Variants in RBFOX3 observed in about 807,000 individuals in gnomAD.
The protein encoded by RBFOX3 is RNA binding fox-1 homolog 3.
Under a neutral mutation model 48.7 loss-of-function variants are expected in RBFOX3, and 17 were observed. The ratio of observed to expected loss-of-function variants is 0.35; its 90% CI spans 0.24 to 0.52. The LOEUF is 0.52. RBFOX3 is among the 20% of genes least tolerant of loss of function. The pLI is 0.94. For synonymous variants in RBFOX3, 212 were observed against 209.5 expected (o/e 1.01, Z -0.10); for missense variants, 382 against 497.5 (o/e 0.77, Z 2.21).
intron 4 of RBFOX3, among the ~76,000 whole-genome samples, chr17:79,149,822 T>C (rs1452011680): frequency 6.6e-6 from 1 of 150,894 alleles, no homozygotes; most frequent in Non-Finnish European, 1.5e-5. Context: ...ACTGAGCATC[T>C]CTGAGTGCCA....
At chr17:79,579,514 G>A (rs1003430760) in intron 1 of RBFOX3, among the ~76,000 whole-genome samples, 3 of 152,180 alleles carry the variant, frequency 2.0e-5, no homozygotes, top group Non-Finnish European at 2.9e-5. Flanking sequence ...CAGAGGGGTC[G>A]GCAATGCTGA....
intron 1 of RBFOX3, among the ~76,000 whole-genome samples, chr17:79,606,404 G>A (rs904764030): frequency 1.3e-5 from 2 of 152,156 alleles, no homozygotes; most frequent in Non-Finnish European, 2.9e-5. Context: ...GGCCAAGAGG[G>A]GGACTCCCGT....
chr17:79,256,815 G>A (rs562855411), intron 3 of RBFOX3, among the ~76,000 whole-genome samples: 18 of 152,184 alleles, frequency 1.2e-4, no homozygotes, highest in East Asian at 1.9e-4. Context: ...ATCTACTCGT[G>A]GGGGGCTGAG....
chr17:79,221,255 G>A (rs1180302477), intron 4 of RBFOX3, among the ~76,000 whole-genome samples: 1 of 152,384 alleles, frequency 6.6e-6, no homozygotes, highest in South Asian at 2.1e-4. Flanking sequence ...TCCACCATCG[G>A]CCTGAAGGCC....
intron 2 of RBFOX3, among the ~76,000 whole-genome samples, chr17:79,342,386 G>T (rs2082243107): frequency 6.6e-6 from 1 of 152,148 alleles, no homozygotes; most frequent in Admixed American, 6.5e-5. Flanking sequence ...GTGGATGTTG[G>T]TCAGAGTCGA....
At chr17:79,545,528 G>A (rs188724299) in intron 1 of RBFOX3, among the ~76,000 whole-genome samples, 1 of 152,202 alleles carries the variant, frequency 6.6e-6, no homozygotes, top group Middle Eastern at 3.2e-3. Flanking sequence ...CAGAGGGAGC[G>A]GAGGTCTCCC....
At chr17:79,410,864 A>G (rs1181383931) in intron 2 of RBFOX3, among the ~76,000 whole-genome samples, 1 of 152,146 alleles carries the variant, frequency 6.6e-6, no homozygotes, top group Admixed American at 6.5e-5. Flanking sequence ...AGGCCCCGCC[A>G]TACCAGCTGC....
At chr17:79,417,230 C>G (rs1598603321) in intron 2 of RBFOX3, among the ~76,000 whole-genome samples, 1 of 152,178 alleles carries the variant, frequency 6.6e-6, no homozygotes, top group African/African-American at 2.4e-5. Context: ...TCCTTGCTCC[C>G]CGTAAGAGTC....
At position 79,213,049 on chromosome 17, in the gene RBFOX3, G is replaced by T. The variant is rs1006469503; in HGVS notation, c.-34+22717C>A. 3.1e-4 allele frequency among the ~76,000 whole-genome samples: 47 copies of T among 152,230 alleles called. 1 individual carries two copies. Among genetic ancestry groups the T allele is most frequent in the Non-Finnish European group, 5.9e-4 (40 of 68,010 alleles). ...TTTTTGTATTTTTAGTGGAGACAGG[G>T]TTTCACTATGTTGGCCAGGCTGGTC... On this transcript the variant is annotated intron_variant, in intron 4 of 14. Transcript: ENST00000693108.
At position 79,198,017 on chromosome 17, in the gene RBFOX3, G is replaced by A. The variant is rs577778022; in HGVS notation, c.-34+37749C>T. Among the ~76,000 whole-genome samples, 21 of 152,256 alleles carry A rather than the reference G, an allele frequency of 1.4e-4. No homozygotes were observed. The highest frequency in any genetic ancestry group is 2.2e-4 in the Non-Finnish European group (15 of 68,028). The stretch of plus-strand genomic sequence containing the variant: ...GTGCTTCTGATTTCCTAAGCATGCC[G>A]AGTGAATCCATCCCGAGTGCCTCTG... On this transcript the variant is annotated intron_variant, in intron 4 of 14. Transcript: ENST00000693108. This position sits in a 1 kb window ranked among gnomAD's most constrained non-coding sequence, Gnocchi z 8.2.
At chr17:79,659,810 A>G in the RBFOX3 span, among the ~76,000 whole-genome samples, 4 of 152,104 alleles carry the variant, frequency 2.6e-5, no homozygotes, top group Admixed American at 2.0e-4. Context: ...GAATACACAG[A>G]TCCCTGGAGG....
At chr17:79,620,594 C>T in the RBFOX3 span, among the ~76,000 whole-genome samples, 15 of 144,484 alleles carry the variant, frequency 1.0e-4, no homozygotes, top group East Asian at 2.2e-4. Flanking sequence ...CGCACACACA[C>T]GCACGCACGC....
intron 2 of RBFOX3, among the ~76,000 whole-genome samples, chr17:79,398,450 A>T (rs2062331361): frequency 6.6e-6 from 1 of 152,058 alleles, no homozygotes; most frequent in African/African-American, 2.4e-5. Context: ...GTCAGCGTTT[A>T]ACATACGTAC....
chr17:79,248,997 C>A (rs1415894631), intron 3 of RBFOX3, among the ~76,000 whole-genome samples: 1 of 152,216 alleles, frequency 6.6e-6, no homozygotes, highest in Non-Finnish European at 1.5e-5. Flanking sequence ...TGAGCTGGGA[C>A]CTGCCTCCAT....
At chr17:79,097,910 G>T in intron 9 of RBFOX3, 165 bp from the exon 10 acceptor site, 3 of 672,998 alleles carry the variant, frequency 4.5e-6, no homozygotes, top group African/African-American at 1.8e-5. Context: ...CAAGTGCTGA[G>T]TTCAAAACAC....
intron 2 of RBFOX3, among the ~76,000 whole-genome samples, chr17:79,472,781 A>G (rs2149389532): frequency 6.6e-6 from 1 of 152,324 alleles, no homozygotes; most frequent in Non-Finnish European, 1.5e-5. Context: ...TCAGTGGCAG[A>G]GCTTATTCAA....
Position 79,423,073 on chromosome 17 carries a change from A to G in RBFOX3, c.-175+59381T>C, listed in dbSNP as rs570215389. On this transcript the variant is annotated intron_variant, in intron 2 of 14. Transcript: ENST00000693108. This position sits in a 1 kb window ranked among gnomAD's most constrained non-coding sequence, Gnocchi z 4.9. ...ACTTCGGGTGCCCCGTGTGCCACGA[A>G]CTCCCCTCTTTCTGCCTCCAGCCCC... Among the ~76,000 whole-genome samples the G allele has an allele frequency of 1.3e-5, 2 of 151,556 alleles. No homozygotes were observed. Among genetic ancestry groups the G allele is most frequent in the South Asian group, 4.2e-4 (2 of 4,778 alleles).
intron 4 of RBFOX3, among the ~76,000 whole-genome samples, chr17:79,148,373 C>A (rs1374370416): frequency 2.0e-5 from 3 of 152,226 alleles, no homozygotes; most frequent in Admixed American, 6.5e-5. Flanking sequence ...GAAGCTCAAA[C>A]ATGCCCTGTG....
In RBFOX3 at chr17:79,363,617, G is replaced by T. The variant is rs1467558845; in HGVS notation, c.-174-55793C>A. ...CGAGCAACATACCTCTTACCCAGGG[G>T]CCCAATCGAAGATCTAGGGCCTTCG... On this transcript the variant is annotated intron_variant, in intron 2 of 14. Coordinates refer to ENST00000693108, the MANE Select transcript of RBFOX3 (RefSeq NM_001350451.2). The surrounding 1 kb of genome is among the most constrained non-coding windows in gnomAD (Gnocchi z 4.7). Among the ~76,000 whole-genome samples the T allele has an allele frequency of 6.6e-6, 1 of 151,894 alleles. No homozygotes were observed. Among genetic ancestry groups the T allele is most frequent in the Non-Finnish European group, 1.5e-5 (1 of 67,958 alleles).
Sources: allele counts gnomAD v4.1 joint callset (sites outside exome capture counted in the v4.1 genomes callset), GRCh38; gene constraint gnomAD v4.1.1; non-coding constraint Gnocchi (gnomAD v3.1); transcripts MANE v1.5; gene names NCBI Gene and HGNC (gene_info 2026-07-23, HGNC 2026-07-21).